ARHGAP44: variants seen among roughly 807,000 people sequenced by gnomAD.
ARHGAP44 encodes the protein rho GTPase-activating protein 44.
ARHGAP44 carries 43 observed loss-of-function variants against 106.8 expected under a neutral mutation model. That is an observed-to-expected ratio of 0.40 (90% CI 0.32 to 0.52). ARHGAP44 has a LOEUF of 0.52. Ranked by LOEUF, ARHGAP44 falls within the 20% of genes least tolerant of loss-of-function variation. The pLI, the probability that ARHGAP44 is intolerant of heterozygous loss-of-function variation, is 0.48. For missense variants in ARHGAP44, 866 were observed against 1,050.5 expected (o/e 0.82, Z 2.43); for synonymous variants, 439 against 410.3 (o/e 1.07, Z -0.85).
intron 10 of ARHGAP44, among the ~76,000 whole-genome samples, chr17:12,948,515 C>A (rs975364458): frequency 6.6e-6 from 1 of 151,872 alleles, no homozygotes; most frequent in Non-Finnish European, 1.5e-5. Flanking sequence ...TCTAAAAATA[C>A]AAAAAATTAG....
Position 12,895,962 on chromosome 17 carries a change from A to G in ARHGAP44, c.94-445A>G, listed in dbSNP as rs1159057394. On this transcript the variant is annotated intron_variant, in intron 2 of 20. Transcript: ENST00000379672. The stretch of plus-strand genomic sequence containing the variant: ...GTTCATGTCCTTTGTAGGGACATGC[A>G]TGAAGCTGGAAACCATCATTCTGAG... 2.0e-5 allele frequency among the ~76,000 whole-genome samples: 3 copies of G among 152,152 alleles called. No homozygotes were observed. The East Asian group carries it at 5.8e-4, about 29-fold the overall frequency.
At chr17:12,934,570 C>T (rs1183814111) in intron 7 of ARHGAP44, among the ~76,000 whole-genome samples, 1 of 152,178 alleles carries the variant, frequency 6.6e-6, no homozygotes, top group African/African-American at 2.4e-5. Context: ...TACGAGCAAG[C>T]GTGGCCACAC....
At chr17:12,854,178 G>T (rs772585114) in intron 1 of ARHGAP44, among the ~76,000 whole-genome samples, 3 of 152,158 alleles carry the variant, frequency 2.0e-5, no homozygotes, top group Non-Finnish European at 4.4e-5. Context: ...GATGGCACAG[G>T]AGGGTGCAGG....
chr17:12,857,536 C>T (rs1460941672), intron 1 of ARHGAP44, among the ~76,000 whole-genome samples: 1 of 152,132 alleles, frequency 6.6e-6, no homozygotes, highest in Non-Finnish European at 1.5e-5. Flanking sequence ...CTAATTATCT[C>T]CCAAAGGCCC....
intron 18 of ARHGAP44, among the ~76,000 whole-genome samples, chr17:12,978,396 G>A (rs2039748676): frequency 6.6e-6 from 1 of 152,196 alleles, no homozygotes; most frequent in South Asian, 2.1e-4. Context: ...TGAATAAAAT[G>A]GTTTTTGCCC....
At chr17:12,840,753 C>T (rs2150828339) in intron 1 of ARHGAP44, among the ~76,000 whole-genome samples, 1 of 152,342 alleles carries the variant, frequency 6.6e-6, no homozygotes, top group Non-Finnish European at 1.5e-5. Flanking sequence ...AGATTCATGT[C>T]ATAGACATAA....
intron 16 of ARHGAP44, among the ~76,000 whole-genome samples, chr17:12,959,694 G>A (rs931861532): frequency 7.2e-5 from 11 of 152,192 alleles, no homozygotes; most frequent in African/African-American, 2.7e-4. Flanking sequence ...CTTACAGGAG[G>A]GGATCGTCTT....
chr17:12,859,096 G>A (rs1367313775), intron 1 of ARHGAP44, among the ~76,000 whole-genome samples: 1 of 152,156 alleles, frequency 6.6e-6, no homozygotes, highest in Non-Finnish European at 1.5e-5. Flanking sequence ...GACCATATCA[G>A]CTTTAATCCA....
chr17:12,884,502 C>T (rs1028241290), intron 1 of ARHGAP44, among the ~76,000 whole-genome samples: 1 of 152,170 alleles, frequency 6.6e-6, no homozygotes, highest in African/African-American at 2.4e-5. Context: ...ATATTGTTGT[C>T]TTGTATCTCA....
chr17:12,962,863 T>C (rs1409065914), intron 16 of ARHGAP44, among the ~76,000 whole-genome samples: 1 of 152,028 alleles, frequency 6.6e-6, no homozygotes, highest in Non-Finnish European at 1.5e-5. Context: ...CTGAACAACA[T>C]GGAGAAACCC....
At chr17:12,836,590 C>T (rs7224080) in intron 1 of ARHGAP44, among the ~76,000 whole-genome samples, 36,214 of 151,452 alleles carry the variant, frequency 0.24, 5,184 homozygotes, top group African/African-American at 0.4. Context: ...AGAGATTGCA[C>T]TGAGCTGAGA....
At chr17:12,807,932 A>T (rs1245344241) in intron 1 of ARHGAP44, among the ~76,000 whole-genome samples, 1 of 152,256 alleles carries the variant, frequency 6.6e-6, no homozygotes, top group African/African-American at 2.4e-5. Flanking sequence ...CTTCCCAGAT[A>T]CAATGGTTAC....
At chr17:12,962,554 G>A (rs2039288905) in intron 16 of ARHGAP44, among the ~76,000 whole-genome samples, 1 of 152,152 alleles carries the variant, frequency 6.6e-6, no homozygotes, top group Admixed American at 6.5e-5. Flanking sequence ...ATGACATCAT[G>A]TGCATCCTTA....
intron 5 of ARHGAP44, among the ~76,000 whole-genome samples, chr17:12,916,692 A>G (rs1207537320): frequency 6.6e-6 from 1 of 152,180 alleles, no homozygotes; most frequent in Non-Finnish European, 1.5e-5. Flanking sequence ...GCTGCAGTGT[A>G]TGTTTATATG....
chr17:12,859,978 G>A (rs1032901547), intron 1 of ARHGAP44, among the ~76,000 whole-genome samples: 2 of 152,170 alleles, frequency 1.3e-5, no homozygotes, highest in African/African-American at 4.8e-5. Flanking sequence ...GGGCTATAGG[G>A]GTGGTCCCTA....
intron 1 of ARHGAP44, among the ~76,000 whole-genome samples, chr17:12,859,464 C>T (rs969711962): frequency 6.6e-6 from 1 of 152,184 alleles, no homozygotes; most frequent in East Asian, 1.9e-4. Context: ...CCCGTTTCTC[C>T]ATCAGTCAGT....
chr17:12,839,246 A>T (rs2035325866), intron 1 of ARHGAP44, among the ~76,000 whole-genome samples: 1 of 152,120 alleles, frequency 6.6e-6, no homozygotes, highest in Non-Finnish European at 1.5e-5. Context: ...AGAAGGTGAT[A>T]ATCTTCCTAT....
rs553253437 is a variant in ARHGAP44, at chr17:12,958,005, T to C, written c.1343-712T>C. The stretch of plus-strand genomic sequence containing the variant: ...CCTAAGAGTTGCGTTGATAACAGAG[T>C]TGGGTGGGTGTGGGAAATCAAGATA... On this transcript the variant is annotated intron_variant, in intron 15 of 20. Coordinates refer to ENST00000379672, the MANE Select transcript of ARHGAP44 (RefSeq NM_014859.6). This position sits in a 1 kb window ranked among gnomAD's most constrained non-coding sequence, Gnocchi z 4.1. 1.3e-5 allele frequency among the ~76,000 whole-genome samples: 2 copies of C among 152,168 alleles called. No homozygotes were observed. The highest frequency in any genetic ancestry group is 3.9e-4 in the East Asian group (2 of 5,168).
chr17:12,942,700 C>A (rs557007447), intron 8 of ARHGAP44, among the ~76,000 whole-genome samples: 2 of 152,332 alleles, frequency 1.3e-5, no homozygotes, highest in South Asian at 4.1e-4. Context: ...CACAACAAGC[C>A]TTCAAGCAGA....
Sources: gnomAD v4.1 joint callset for allele counts (sites outside exome capture counted in the v4.1 genomes callset) on GRCh38, gnomAD v4.1.1 for gene constraint, Gnocchi (gnomAD v3.1) non-coding constraint, MANE v1.5 for transcripts, NCBI Gene and HGNC (gene_info 2026-07-23, HGNC 2026-07-21) for gene names.